The following PRPF18 variants were observed in gnomAD, a reference collection of about 807,000 sequenced individuals.
PRPF18 encodes the protein pre-mRNA-splicing factor 18.
PRPF18 carries 38 observed loss-of-function variants against 46.5 expected under a neutral mutation model. The ratio of observed to expected loss-of-function variants is 0.82; its 90% CI spans 0.63 to 1.07. The LOEUF (loss-of-function observed/expected upper bound fraction) is 1.07, where lower values mean the gene tolerates loss of function less well. Among genes scored for constraint, PRPF18 ranks in the 50% least tolerant of loss-of-function variants. PRPF18 has a pLI of 0.00. For missense variants in PRPF18, 263 were observed against 410.0 expected (o/e 0.64, Z 3.10); for synonymous variants, 152 against 146.7 (o/e 1.04, Z -0.26).
chr10:13,605,584 A>AAAT (rs1383674634), intron 3 of PRPF18, 47 bp from the exon 4 acceptor site: 11 of 1,469,830 alleles, frequency 7.5e-6, no homozygotes, highest in African/African-American at 4.3e-5. Flanking sequence ...TGTCTCAAAA[A>AAAT]AAAAAAAAAA....
At chr10:13,608,726 T>C (rs1207541375) in intron 4 of PRPF18, among the ~76,000 whole-genome samples, 1 of 152,234 alleles carries the variant, frequency 6.6e-6, no homozygotes, top group East Asian at 1.9e-4. Context: ...GTTATGTGCA[T>C]ATTTATCTCT....
At chr10:13,629,015 A>G (rs748848760) in intron 9 of PRPF18, among the ~76,000 whole-genome samples, 3 of 152,226 alleles carry the variant, frequency 2.0e-5, no homozygotes, top group Non-Finnish European at 2.9e-5. Flanking sequence ...CTAAAGCTAA[A>G]TGTCGACCAA....
rs530813738 is a variant in PRPF18, at chr10:13,587,322, C to T, written c.66+170C>T. The T allele has an allele frequency of 1.3e-5, 9 of 690,814 alleles. No homozygotes were observed. The South Asian group carries it at 1.4e-4, about 10-fold the overall frequency. 42.8% of individuals were successfully genotyped at this position (690,814 alleles called of 1,614,324 possible). A position where few individuals can be genotyped will look rare whatever the true frequency, so the allele number is the denominator to read the frequency against. On this transcript the variant is annotated intron_variant, in intron 1 of 9. Coordinates refer to ENST00000378572, the MANE Select transcript of PRPF18 (RefSeq NM_003675.4). Reference sequence around the variant, plus strand: ...CTTAGATCCAACCCTTGGCGTCTCACTGTTGAGGCTGGAGAATAGGGTCTG... The same window carrying T: ...CTTAGATCCAACCCTTGGCGTCTCATTGTTGAGGCTGGAGAATAGGGTCTG...
In PRPF18 at chr10:13,610,050, T is replaced by C. The variant is rs920361710; in HGVS notation, c.375T>C (p.Asn125=). The change falls in exon 5 of 10, where the codon AAT becomes AAC. Residue 125 remains asparagine, a synonymous_variant. Coordinates refer to ENST00000378572, the MANE Select transcript of PRPF18 (RefSeq NM_003675.4). ...TTTGCTTTTCTTAGGGATTGAGGAA[T>C]GATTTGAAAGCAGCCTTGGATAAGA... ...LTPEVNKGLR[N]DLKAALDKID... The C allele has an allele frequency of 6.8e-6, 11 of 1,610,520 alleles. No homozygotes were observed. The highest frequency in any genetic ancestry group is 8.5e-6 in the Non-Finnish European group (10 of 1,177,256).
chr10:13,594,198 G>T (rs1436172595), intron 1 of PRPF18, among the ~76,000 whole-genome samples: 1 of 152,188 alleles, frequency 6.6e-6, no homozygotes, highest in East Asian at 1.9e-4. Context: ...TATGCTAACA[G>T]ATATTTTTAT....
In PRPF18 at chr10:13,591,497, G is replaced by A. The variant is rs2478110; in HGVS notation, c.66+4345G>A. ...GTGAGGATAAATTCCATGAGTCGGG[G>A]CAAACACAGATCGCAGGTAGTCCTG... On this transcript the variant is annotated intron_variant, in intron 1 of 9. Coordinates refer to ENST00000378572, the MANE Select transcript of PRPF18 (RefSeq NM_003675.4). 6.5e-3 allele frequency: 4,505 copies of A among 696,052 alleles called. 168 individuals carry two copies. In the African/African-American group the frequency reaches 0.072, roughly 11 times the overall value. The allele number at this position is 696,052 out of a possible 1,614,324, so 43.1% of individuals were successfully genotyped here. A position where few individuals can be genotyped will look rare whatever the true frequency, so the allele number is the denominator to read the frequency against.
chr10:13,654,751 T>A, the PRPF18 span: 1 of 551,390 alleles, frequency 1.8e-6, no homozygotes, highest in Non-Finnish European at 3.2e-6. Flanking sequence ...CCCACTACCA[T>A]GCACCTTCAT....
At chr10:13,648,133 A>G in the PRPF18 span, 1 of 152,238 alleles carries the variant, frequency 6.6e-6, no homozygotes, top group Non-Finnish European at 1.5e-5. Flanking sequence ...AAAATCCATG[A>G]AAGCTGGAAA....
chr10:13,654,335 A>T, the PRPF18 span: 18,463 of 932,934 alleles, frequency 0.02, 956 homozygotes, highest in African/African-American at 0.15. Context: ...ATTTACTGAC[A>T]TATCCTTATG....
At chr10:13,629,905 C>A (rs145849363) in intron 9 of PRPF18, among the ~76,000 whole-genome samples, 1 of 152,180 alleles carries the variant, frequency 6.6e-6, no homozygotes, top group Non-Finnish European at 1.5e-5. Flanking sequence ...TCTATTGGAA[C>A]CTGGTTGAGA....
chr10:13,652,684 G>A, the PRPF18 span, among the ~76,000 whole-genome samples: 2 of 152,204 alleles, frequency 1.3e-5, no homozygotes, highest in Non-Finnish European at 2.9e-5. Context: ...GGAACACCGA[G>A]CTGGGGCTCC....
At chr10:13,645,171 T>C in the PRPF18 span, 90,045 of 151,884 alleles carry the variant, frequency 0.59, 26,939 homozygotes, top group East Asian at 0.85. Flanking sequence ...TCCTTACCCT[T>C]CTGGTCTGGT....
At chr10:13,623,587 A>T (rs1310040407) in intron 9 of PRPF18, among the ~76,000 whole-genome samples, 1 of 152,222 alleles carries the variant, frequency 6.6e-6, no homozygotes. Flanking sequence ...ATTTAACAAC[A>T]TGTCTTTATA....
At chr10:13,597,678 G>C (rs1360850691) in intron 2 of PRPF18, 143 bp downstream of exon 2, 1 of 1,592,180 alleles carries the variant, frequency 6.3e-7, no homozygotes, top group Non-Finnish European at 8.6e-7. Context: ...AGAGGTATGA[G>C]TTTTTGTTTT....
intron 9 of PRPF18, among the ~76,000 whole-genome samples, chr10:13,624,862 G>GT (rs2080475667): frequency 6.6e-6 from 1 of 152,228 alleles, no homozygotes; most frequent in Admixed American, 6.5e-5. Context: ...TATTCAGGGA[G>GT]TTTTTCCATT....
chr10:13,626,633 A>T (rs1301776776), intron 9 of PRPF18, among the ~76,000 whole-genome samples: 1 of 152,184 alleles, frequency 6.6e-6, no homozygotes, highest in Non-Finnish European at 1.5e-5. Flanking sequence ...AGATATCACT[A>T]ATATCTGGTG....
chr10:13,653,856 G>C, the PRPF18 span: 1 of 158,312 alleles, frequency 6.3e-6, no homozygotes, highest in Non-Finnish European at 1.4e-5. Flanking sequence ...CTATCAAAGG[G>C]AGCTGCCTTT....
intron 1 of PRPF18, chr10:13,591,442 T>C: frequency 1.8e-6 from 1 of 546,452 alleles, no homozygotes; most frequent in East Asian, 2.9e-5. Context: ...TTTAATTAGG[T>C]TCTTCTTAAG....
At chr10:13,605,873 G>A (rs1240314982) in intron 4 of PRPF18, 129 bp downstream of exon 4, 14 of 1,285,638 alleles carry the variant, frequency 1.1e-5, no homozygotes, top group Non-Finnish European at 1.4e-5. Context: ...CTGAATGGAA[G>A]TTTTCATTAA....
Sources: allele counts gnomAD v4.1 joint callset (sites outside exome capture counted in the v4.1 genomes callset), GRCh38; gene constraint gnomAD v4.1.1; transcripts MANE v1.5; gene names NCBI Gene and HGNC (gene_info 2026-07-23, HGNC 2026-07-21).